NPL: variants seen among roughly 807,000 people sequenced by gnomAD.
NPL encodes the protein N-acetylneuraminate pyruvate lyase.
Under a neutral mutation model 41.1 loss-of-function variants are expected in NPL, and 32 were observed. That is an observed-to-expected ratio of 0.78 (90% CI 0.59 to 1.05). The LOEUF (loss-of-function observed/expected upper bound fraction) is 1.05, where lower values mean the gene tolerates loss of function less well. NPL is among the 50% of genes least tolerant of loss of function. NPL has a pLI of 0.00. For missense variants in NPL, 321 were observed against 378.4 expected, an observed-to-expected ratio of 0.85 and a Z score of 1.26; for synonymous variants, 128 against 134.9, an observed-to-expected ratio of 0.95 and a Z score of 0.35.
At chr1:182,815,893 G>C (rs939449609) in intron 7 of NPL, among the ~76,000 whole-genome samples, 1 of 152,162 alleles carries the variant, frequency 6.6e-6, no homozygotes. Flanking sequence ...ATGAGCCACT[G>C]TGTCCAGCCC....
At chr1:182,818,431 A>G in intron 8 of NPL, 110 bp from the exon 9 acceptor site, 1 of 1,380,394 alleles carries the variant, frequency 7.2e-7, no homozygotes, top group Non-Finnish European at 1.0e-6. Flanking sequence ...GTCTGCAGTC[A>G]GTTCTGGCTG....
At position 182,818,918 on chromosome 1, in the gene NPL, C is replaced by T. The variant is rs1275102576; in HGVS notation, c.653+59C>T. The stretch of plus-strand genomic sequence containing the variant: ...AGTCCCCCATAAAGGCATTCATCAC[C>T]AAAGTAGCTGTATTTCTTGCATGTG... On this transcript the variant is annotated intron_variant, in intron 10 of 12. Coordinates refer to ENST00000367553, the MANE Select transcript of NPL (RefSeq NM_030769.3). 19 of 1,371,782 alleles carry T rather than the reference C, an allele frequency of 1.4e-5. No individual in the cohort carries two copies. In the Admixed American group the frequency reaches 3.2e-4, roughly 23 times the overall value. 85.0% of individuals were successfully genotyped at this position (1,371,782 alleles called of 1,614,324 possible).
intron 12 of NPL, 133 bp downstream of exon 12, chr1:182,825,953 T>C: frequency 1.2e-6 from 1 of 806,134 alleles, no homozygotes; most frequent in South Asian, 1.3e-5. Flanking sequence ...GTTTCCCTTA[T>C]TAACCCTCGG....
At chr1:182,795,489 C>T (rs1175076873) in intron 3 of NPL, among the ~76,000 whole-genome samples, 2 of 152,130 alleles carry the variant, frequency 1.3e-5, no homozygotes, top group African/African-American at 2.4e-5. Context: ...AATTTATAAA[C>T]GTTCATCTTA....
Position 182,816,845 on chromosome 1 carries a change from T to G in NPL, c.457+39T>G, listed in dbSNP as rs1479468904. On this transcript the variant is annotated intron_variant, in intron 8 of 12. Coordinates refer to ENST00000367553, the MANE Select transcript of NPL (RefSeq NM_030769.3). ...CTGTTGATCTTTCTTTCCTTCCAACTCTCACATCTTACCCTATTATGCTAA... is the reference window on the plus strand; with the variant it reads ...CTGTTGATCTTTCTTTCCTTCCAACGCTCACATCTTACCCTATTATGCTAA... The G allele has an allele frequency of 4.7e-6, 7 of 1,475,414 alleles. No homozygotes were observed. The African/African-American group carries it at 8.3e-5, about 18-fold the overall frequency. The allele number at this position is 1,475,414 out of a possible 1,614,324, so 91.4% of individuals were successfully genotyped here. A position where few individuals can be genotyped will look rare whatever the true frequency, so the allele number is the denominator to read the frequency against.
chr1:182,790,091 CA>C (rs1416419966), intron 1 of NPL, among the ~76,000 whole-genome samples: 1 of 152,176 alleles, frequency 6.6e-6, no homozygotes, highest in East Asian at 1.9e-4. Context: ...ATAGAGTTAG[CA>C]ATTGAGCAGA....
At chr1:182,802,269 C>T (rs1006168745) in intron 3 of NPL, among the ~76,000 whole-genome samples, 1 of 152,218 alleles carries the variant, frequency 6.6e-6, no homozygotes, top group African/African-American at 2.4e-5. Flanking sequence ...ATTGCATTAA[C>T]ACACCTTTTC....
chr1:182,812,302 G>A, intron 6 of NPL, 89 bp downstream of exon 6: 2 of 1,120,986 alleles, frequency 1.8e-6, no homozygotes, highest in Non-Finnish European at 2.7e-6. Context: ...TTGCTATGTA[G>A]TAGATGGTGT....
At chr1:182,797,093 C>G (rs772547309) in intron 3 of NPL, among the ~76,000 whole-genome samples, 2 of 150,894 alleles carry the variant, frequency 1.3e-5, no homozygotes, top group Non-Finnish European at 2.9e-5. Context: ...CACATTATCT[C>G]TATGACCCTT....
chr1:182,808,959 T>TAAA (rs61310123), intron 5 of NPL, among the ~76,000 whole-genome samples: 6 of 118,328 alleles, frequency 5.1e-5, no homozygotes, highest in African/African-American at 2.0e-4. Context: ...AACCCTGTCT[T>TAAA]AAAAAAAAAA....
intron 3 of NPL, among the ~76,000 whole-genome samples, chr1:182,802,464 A>AG (rs1445291613): frequency 1.3e-5 from 2 of 151,074 alleles, no homozygotes; most frequent in African/African-American, 4.9e-5. Context: ...TAGATGCATC[A>AG]GATTTTTTTT....
intron 3 of NPL, among the ~76,000 whole-genome samples, chr1:182,797,016 C>G (rs1666689632): frequency 7.4e-6 from 1 of 135,204 alleles, no homozygotes; most frequent in African/African-American, 3.0e-5. Context: ...CCCTGGGCAA[C>G]AGAGTGAGAA....
At chr1:182,793,669 GGTAAATCTGAAGGTAGTTAT>G (rs1256753151) in intron 2 of NPL, among the ~76,000 whole-genome samples, 1 of 152,132 alleles carries the variant, frequency 6.6e-6, no homozygotes, top group Non-Finnish European at 1.5e-5. Context: ...TAAAAAGATA[GGTAAATCTGAAGGTAGTTAT>G]GTAAATCATG....
intron 3 of NPL, among the ~76,000 whole-genome samples, chr1:182,802,919 G>A (rs559968291): frequency 6.6e-6 from 1 of 152,322 alleles, no homozygotes; most frequent in South Asian, 2.1e-4. Flanking sequence ...GATTCCATGT[G>A]TCTAATAAAG....
chr1:182,808,951 C>A (rs1179271051), intron 5 of NPL, among the ~76,000 whole-genome samples: 2 of 141,696 alleles, frequency 1.4e-5, no homozygotes, highest in East Asian at 2.0e-4. Context: ...AAGAGCAAAA[C>A]CCTGTCTTAA....
In NPL at chr1:182,829,597, A is replaced by G. The variant is rs1571283832; in HGVS notation, c.*689A>G. 4 of 1,548,404 alleles carry G rather than the reference A, an allele frequency of 2.6e-6. No individual in the cohort carries two copies. The highest frequency in any genetic ancestry group is 1.7e-4 in the Middle Eastern group (1 of 5,984). Reference sequence around the variant, plus strand: ...TGAATTTAAGTCTCCACTTTTTTCTATACAGAAAACTCAAAACTCAAAGTT... The same window carrying G: ...TGAATTTAAGTCTCCACTTTTTTCTGTACAGAAAACTCAAAACTCAAAGTT... On this transcript the variant is annotated 3_prime_UTR_variant, in exon 13 of 13. Coordinates refer to ENST00000367553, the MANE Select transcript of NPL (RefSeq NM_030769.3).
chr1:182,825,142 C>T (rs1667597692), intron 11 of NPL, among the ~76,000 whole-genome samples: 1 of 152,148 alleles, frequency 6.6e-6, no homozygotes, highest in African/African-American at 2.4e-5. Flanking sequence ...GGACTTATTA[C>T]CTATTAATTA....
intron 3 of NPL, among the ~76,000 whole-genome samples, chr1:182,799,309 C>G (rs1260820887): frequency 6.6e-6 from 1 of 152,146 alleles, no homozygotes; most frequent in African/African-American, 2.4e-5. Flanking sequence ...GGAATTAGAA[C>G]AGACAATTAG....
chr1:182,798,172 G>T (rs1011035756), intron 3 of NPL, among the ~76,000 whole-genome samples: 4 of 151,598 alleles, frequency 2.6e-5, no homozygotes. Flanking sequence ...AGAAAGGTAG[G>T]ATTTCTCTAC....
Sources: gnomAD v4.1 joint callset for allele counts (sites outside exome capture counted in the v4.1 genomes callset) on GRCh38, gnomAD v4.1.1 for gene constraint, MANE v1.5 for transcripts, NCBI Gene and HGNC (gene_info 2026-07-23, HGNC 2026-07-21) for gene names.